Variants in BRD8 observed in about 807,000 individuals in gnomAD.
BRD8 encodes the protein bromodomain containing 8, also known as bromodomain-containing protein 8.
Under a neutral mutation model 143.1 loss-of-function variants are expected in BRD8, and 67 were observed. That is an observed-to-expected ratio of 0.47 (90% confidence interval 0.38 to 0.57). The LOEUF (loss-of-function observed/expected upper bound fraction) is 0.57. Ranked by LOEUF, BRD8 falls within the 20% of genes least tolerant of loss-of-function variation. The probability of loss-of-function intolerance (pLI) is 0.00; values close to 1 mark genes in which losing one functional copy is unlikely to be tolerated. For synonymous variants in BRD8, 505 were observed against 517.1 expected (o/e 0.98, Z 0.32); for missense variants, 1,103 against 1,503.0 (o/e 0.73, Z 4.40).
At chr5:138,156,908 A>T in intron 20 of BRD8, 1 of 1,176,426 alleles carries the variant, frequency 8.5e-7, no homozygotes. Context: ...AGTTTATTGT[A>T]TACACACACA....
intron 25 of BRD8, among the ~76,000 whole-genome samples, chr5:138,141,889 C>T (rs1004856185): frequency 6.6e-6 from 1 of 152,172 alleles, no homozygotes; most frequent in African/African-American, 2.4e-5. Context: ...TGGTTGATCA[C>T]GAGCAAGTCA....
rs772017290 is a variant in BRD8 at position 138,140,868 on chromosome 5, G to A, written c.3452C>T (p.Thr1151Ile). 2.5e-5 allele frequency: 40 copies of A among 1,614,050 alleles called. No individual in the cohort carries two copies. In the East Asian group the frequency reaches 3.1e-4, roughly 13 times the overall value. ...KDVVKRPMDLTSLKRNLSKGR... is the reference protein window; with the variant it reads ...KDVVKRPMDLISLKRNLSKGR... ...CTTAGAGAGATTTCTCTTCAGGCTA[G>A]TTAAGTCCATGGGTCTGCAGGTGGC... The change falls in exon 26 of 27, where the codon ACT becomes ATT. Residue 1151 changes from threonine (T) to isoleucine (I), a missense_variant. By Grantham distance (89) the Thr-to-Ile change is moderately conservative. Around this residue, in one of 7 missense-constraint regions of BRD8, gnomAD observed 369 missense variants for 445.5 expected, o/e 0.83. Coordinates refer to ENST00000254900, the MANE Select transcript of BRD8 (RefSeq NM_139199.2).
chr5:138,163,654 A>G (rs533989470), intron 14 of BRD8: 2 of 1,385,154 alleles, frequency 1.4e-6, no homozygotes, highest in South Asian at 2.4e-5. Flanking sequence ...CTGGGTACAA[A>G]GTTATCAAAA....
intron 20 of BRD8, among the ~76,000 whole-genome samples, chr5:138,158,877 CCTTCTGAGTAG>C (rs1752791956): frequency 6.6e-6 from 1 of 151,916 alleles, no homozygotes; most frequent in Admixed American, 6.6e-5. Context: ...TCCTACCTTG[CCTTCTGAGTAG>C]CTTGTAGTTA....
chr5:138,170,428 G>A lies in BRD8; in HGVS notation c.441-19C>T. ...CTTTTTCCTAAACAGGGAATTAAGG[G>A]TTAGATGCTAGACAGCTCTGGCTCC... On this transcript the variant is annotated intron_variant, in intron 6 of 26. Transcript: ENST00000254900. 1 of 1,613,676 alleles carries A rather than the reference G, an allele frequency of 6.2e-7. No individual in the cohort carries two copies. The highest frequency in any genetic ancestry group is 8.5e-7 in the Non-Finnish European group (1 of 1,179,906).
rs1752408893 is a variant in BRD8 at position 138,152,378 on chromosome 5, A to G, written c.2856+104T>C. 6 of 1,458,540 alleles carry G rather than the reference A, an allele frequency of 4.1e-6. No individual in the cohort carries two copies. In the Admixed American group the frequency reaches 1.2e-4, roughly 30 times the overall value. 90.3% of individuals were successfully genotyped at this position (1,458,540 alleles called of 1,614,324 possible). On this transcript the variant is annotated intron_variant, in intron 21 of 26. Coordinates refer to ENST00000254900, the MANE Select transcript of BRD8 (RefSeq NM_139199.2). ...CTTAATCCCTGCCACTGTGGAGCTT[A>G]TATTTTAGTAAACAATATTAAGAGT...
At chr5:138,168,598 G>A in intron 8 of BRD8, 1 of 1,605,356 alleles carries the variant, frequency 6.2e-7, no homozygotes, top group Non-Finnish European at 8.5e-7. Context: ...GGGGTCATGG[G>A]GGCTTCTAAG....
intron 7 of BRD8, 23 bp from the exon 8 acceptor site, chr5:138,169,381 G>A (rs778762613): frequency 6.2e-7 from 1 of 1,608,480 alleles, no homozygotes; most frequent in Non-Finnish European, 8.5e-7. Context: ...AGAGAACAAT[G>A]TCCAAATCTT....
At position 138,150,773 on chromosome 5, in the gene BRD8, A is replaced by G. The variant is rs1165130044; in HGVS notation, c.3092T>C (p.Val1031Ala). The change falls in exon 22 of 27, where the codon GTT (valine) becomes GCT (alanine). Residue 1031 changes from valine (V) to alanine (A), a missense_variant. Val to Ala is a moderately conservative substitution (Grantham distance 64). Transcript: ENST00000254900. The part of the protein sequence containing the change: ...VASAPSVICT[V>A]QGLLTESEEG... ...TTCACTCTCTGTGAGTAGTCCCTGA[A>G]CTGTACAAATAACTGAGGGAGCTGA... 6.2e-7 allele frequency: 1 copy of G among 1,613,884 alleles called. No individual in the cohort carries two copies. The highest frequency in any genetic ancestry group is 1.1e-5 in the South Asian group (1 of 91,038).
intron 23 of BRD8, among the ~76,000 whole-genome samples, chr5:138,148,260 TC>T (rs1236232865): frequency 1.3e-5 from 2 of 151,838 alleles, no homozygotes; most frequent in East Asian, 3.9e-4. Flanking sequence ...TTCAAAGCTG[TC>T]CTGGGCTGCA....
At chr5:138,145,093 A>G in intron 25 of BRD8, 84 bp downstream of exon 25, 1 of 1,379,220 alleles carries the variant, frequency 7.3e-7, no homozygotes, top group South Asian at 1.3e-5. Context: ...TGTAAGTTAT[A>G]AAAATAATCT....
At chr5:138,174,191 T>C (rs1394585483) in intron 2 of BRD8, among the ~76,000 whole-genome samples, 3 of 151,892 alleles carry the variant, frequency 2.0e-5, no homozygotes, top group Non-Finnish European at 4.4e-5. Flanking sequence ...TATACATATA[T>C]ATTTTTTCTT....
At chr5:138,175,478 G>A (rs2151222475) in intron 2 of BRD8, among the ~76,000 whole-genome samples, 1 of 152,062 alleles carries the variant, frequency 6.6e-6, no homozygotes, top group East Asian at 1.9e-4. Flanking sequence ...AGCACTTTAG[G>A]AGGCTAAGGT....
At chr5:138,166,251 C>G in intron 10 of BRD8, 143 bp from the exon 11 acceptor site, 1 of 679,188 alleles carries the variant, frequency 1.5e-6, no homozygotes, top group Non-Finnish European at 2.5e-6. Context: ...CCTATGTTTT[C>G]TTCTCCCCAG....
At position 138,160,891 on chromosome 5, in the gene BRD8, C is replaced by A; in HGVS notation, c.2427G>T (p.Gln809His). 6.3e-7 allele frequency: 1 copy of A among 1,587,768 alleles called. No homozygotes were observed. Among genetic ancestry groups the A allele is most frequent in the East Asian group, 2.3e-5 (1 of 43,760 alleles). The change falls in exon 18 of 27, where the codon CAG (glutamine) becomes CAT (histidine). Residue 809 changes from glutamine (Q) to histidine (H), a missense_variant and splice_region_variant. Transcript: ENST00000254900. ...GAAACACAAAGGATCCTCAAAGTACCTGGATCTGTTCCAAGACATCTCGCT... is the reference window on the plus strand; with the variant it reads ...GAAACACAAAGGATCCTCAAAGTACATGGATCTGTTCCAAGACATCTCGCT... ...EMQRDVLEQI[Q>H]QFLATQLIMQ...
chr5:138,174,777 AG>A (rs1018118231), intron 2 of BRD8, among the ~76,000 whole-genome samples: 1 of 152,106 alleles, frequency 6.6e-6, no homozygotes, highest in Non-Finnish European at 1.5e-5. Flanking sequence ...CTATGCACTG[AG>A]GAAGGTGGAA....
rs185720786 is a variant in BRD8, at chr5:138,170,618, G to C, written c.441-209C>G. ...GCAAACTATAGCCACTCTTAAGTTA[G>C]AACTAAGTTATGTTTTCATACTGAA... On this transcript the variant is annotated intron_variant, in intron 6 of 26. Coordinates refer to ENST00000254900, the MANE Select transcript of BRD8 (RefSeq NM_139199.2). The C allele has an allele frequency of 5.1e-6, 4 of 788,914 alleles. No individual in the cohort carries two copies. In the Admixed American group the frequency reaches 7.1e-5, roughly 14 times the overall value. The allele number at this position is 788,914 out of a possible 1,614,324, so 48.9% of individuals were successfully genotyped here.
Position 138,164,834 on chromosome 5 carries a change from T to C in BRD8, c.1611A>G (p.Pro537=). The part of the protein sequence containing the change: ...GVVPATSMEP[P]ELRSQDLDEE... ...CATCTAAGTCCTGACTCCTGAGTTC[T>C]GGTGGCTCCATACTTGTGGCTGGAA... The change falls in exon 12 of 27, where the codon CCA becomes CCG. Residue 537 remains proline (P), a synonymous_variant. Transcript: ENST00000254900. The C allele has an allele frequency of 6.2e-7, 1 of 1,614,276 alleles. No homozygotes were observed. Among genetic ancestry groups the C allele is most frequent in the South Asian group, 1.1e-5 (1 of 91,090 alleles).
At chr5:138,155,854 T>C (rs1166355175) in intron 20 of BRD8, among the ~76,000 whole-genome samples, 1 of 151,848 alleles carries the variant, frequency 6.6e-6, no homozygotes, top group Non-Finnish European at 1.5e-5. Context: ...AAACTGGGCT[T>C]AGCCTTCAAA....
Sources: allele counts gnomAD v4.1 joint callset (sites outside exome capture counted in the v4.1 genomes callset), GRCh38; gene constraint gnomAD v4.1.1; regional missense constraint gnomAD v4.1.1; transcripts MANE v1.5; gene names NCBI Gene and HGNC (gene_info 2026-07-23, HGNC 2026-07-21).